The following RLN2 variants were observed in gnomAD, a reference collection of about 807,000 sequenced individuals.
The protein encoded by RLN2 is prorelaxin H2.
RLN2 carries 10 observed loss-of-function variants against 7.3 expected under a neutral mutation model. The ratio of observed to expected loss-of-function variants is 1.36; its 90% CI spans 0.84 to 2.31. The LOEUF is 2.31. Among genes scored for constraint, RLN2 ranks in the 30% most tolerant of loss-of-function variants. The pLI is 0.00. For missense variants in RLN2, 298 were observed against 217.6 expected, an observed-to-expected ratio of 1.37 and a Z score of -2.32; for synonymous variants, 103 against 82.3, an observed-to-expected ratio of 1.25 and a Z score of -1.36.
At chr9:5,307,113 G>C (rs1208606437), upstream of RLN2, among the ~76,000 whole-genome samples, 2 of 151,970 alleles carry the variant, frequency 1.3e-5, no homozygotes, top group Non-Finnish European at 2.9e-5. Flanking sequence ...GGGAGGGTGG[G>C]AATAGCCTGC....
the RLN2 span, among the ~76,000 whole-genome samples, chr9:5,318,943 GC>G: frequency 6.6e-6 from 1 of 151,908 alleles, no homozygotes; most frequent in Non-Finnish European, 1.5e-5. Context: ...ACAAATCTGT[GC>G]CCTCATGGAA....
At chr9:5,314,898 C>T in the RLN2 span, among the ~76,000 whole-genome samples, 1 of 151,064 alleles carries the variant, frequency 6.6e-6, no homozygotes, top group Non-Finnish European at 1.5e-5. Flanking sequence ...GGCTCCGTTT[C>T]CCAAATTGCA....
At chr9:5,301,927 GT>G (rs1563734436) in intron 1 of RLN2, among the ~76,000 whole-genome samples, 1 of 152,070 alleles carries the variant, frequency 6.6e-6, no homozygotes, top group Non-Finnish European at 1.5e-5. Context: ...AATTTATATC[GT>G]TTTTGGTTAA....
chr9:5,324,886 T>A, the RLN2 span, among the ~76,000 whole-genome samples: 1 of 152,020 alleles, frequency 6.6e-6, no homozygotes, highest in African/African-American at 2.4e-5. Flanking sequence ...ACATATTCAA[T>A]TGCACTGCTA....
At chr9:5,327,708 G>A in the RLN2 span, among the ~76,000 whole-genome samples, 2 of 151,986 alleles carry the variant, frequency 1.3e-5, no homozygotes, top group African/African-American at 4.8e-5. Context: ...AGCTTCCAGA[G>A]GAAAGATCAG....
the RLN2 span, among the ~76,000 whole-genome samples, chr9:5,318,894 G>C: frequency 1.5e-4 from 23 of 151,838 alleles, no homozygotes; most frequent in Non-Finnish European, 1.2e-4. Context: ...CCGTTTTAAA[G>C]ATTTTTAAGA....
the RLN2 span, among the ~76,000 whole-genome samples, chr9:5,319,263 GC>G: frequency 2.5e-3 from 385 of 152,076 alleles, 6 homozygotes; most frequent in African/African-American, 8.6e-3. Flanking sequence ...AATACAGGAA[GC>G]CTACATGACT....
At chr9:5,332,470 T>G in the RLN2 span, among the ~76,000 whole-genome samples, 1 of 151,944 alleles carries the variant, frequency 6.6e-6, no homozygotes, top group Non-Finnish European at 1.5e-5. Context: ...GAAATAAGGT[T>G]TATTTTGTTG....
the RLN2 span, chr9:5,335,071 T>C: frequency 4.0e-6 from 2 of 494,190 alleles, no homozygotes; most frequent in Admixed American, 7.5e-5. Context: ...GCATAGAAAG[T>C]GTCATTTACA....
chr9:5,327,337 G>T, the RLN2 span, among the ~76,000 whole-genome samples: 2 of 152,026 alleles, frequency 1.3e-5, no homozygotes, highest in African/African-American at 2.4e-5. Flanking sequence ...CAGCTTGATG[G>T]GGGGAGGGGC....
the RLN2 span, among the ~76,000 whole-genome samples, chr9:5,329,958 T>C: frequency 6.6e-6 from 1 of 152,008 alleles, no homozygotes; most frequent in African/African-American, 2.4e-5. Context: ...AGAATATACA[T>C]TCTTCTCAGC....
At chr9:5,313,097 T>G in the RLN2 span, among the ~76,000 whole-genome samples, 2 of 152,162 alleles carry the variant, frequency 1.3e-5, no homozygotes, top group South Asian at 2.1e-4. Flanking sequence ...TAGGTTCATT[T>G]GACCCAAAGT....
rs771614904 is a variant in RLN2 at position 5,304,354 on chromosome 9, G to T, written c.211+16C>A. ...TGGGAAGCGCGGGAAGGCCGGGAGGGGGCGGGAGCTCTCACCTGCCACTGG... is the reference window on the plus strand; with the variant it reads ...TGGGAAGCGCGGGAAGGCCGGGAGGTGGCGGGAGCTCTCACCTGCCACTGG... On this transcript the variant is annotated intron_variant, in intron 1 of 1. Coordinates refer to ENST00000381627, the MANE Select transcript of RLN2 (RefSeq NM_134441.3). 1 of 1,548,236 alleles carries T rather than the reference G, an allele frequency of 6.5e-7. No homozygotes were observed.
the RLN2 span, among the ~76,000 whole-genome samples, chr9:5,323,969 A>G: frequency 6.6e-6 from 1 of 151,782 alleles, no homozygotes; most frequent in Admixed American, 6.6e-5. Context: ...AATCACTTGA[A>G]CCCAAAGGCA....
In RLN2 at chr9:5,304,583, TG is replaced by T. The variant is rs1201402539; in HGVS notation, c.-4del. On this transcript the variant is annotated 5_prime_UTR_variant, in exon 1 of 2. Coordinates refer to ENST00000381627, the MANE Select transcript of RLN2 (RefSeq NM_134441.3). The stretch of plus-strand genomic sequence containing the variant: ...TGGAAAAAAAACAGGCGAGGCATCC[TG>T]GGCCTGGTCTCTCCTGGAGGTCGGG... The T allele has an allele frequency of 1.9e-6, 3 of 1,613,448 alleles. No individual in the cohort carries two copies. Among genetic ancestry groups the T allele is most frequent in the African/African-American group, 1.3e-5 (1 of 74,810 alleles).
rs1022091478 is a variant in RLN2, at chr9:5,300,415, T to C, written c.241A>G (p.Thr81Ala). The change falls in exon 2 of 2, where the codon ACA becomes GCA. Residue 81 changes from threonine to alanine, a missense_variant. By Grantham distance (58) the Thr-to-Ala change is moderately conservative. Transcript: ENST00000381627. ...EIVPSFINKD[T>A]ETINMMSEFV... is the part of the protein sequence containing the mutation. ...TCTGACATCATATTTATGGTTTCTG[T>C]ATCTTTGTTGATGAAGGATGGCACA... is the stretch of plus-strand genomic sequence containing the variant. 1 of 1,608,674 alleles carries C rather than the reference T, an allele frequency of 6.2e-7. No individual in the cohort carries two copies. Among genetic ancestry groups the C allele is most frequent in the Non-Finnish European group, 8.5e-7 (1 of 1,177,952 alleles).
chr9:5,306,579 A>T (rs1316281995), upstream of RLN2, among the ~76,000 whole-genome samples: 2 of 152,070 alleles, frequency 1.3e-5, no homozygotes, highest in African/African-American at 4.8e-5. Flanking sequence ...TGCAAGATTC[A>T]CAGTCTTTAC....
the RLN2 span, among the ~76,000 whole-genome samples, chr9:5,320,521 C>T: frequency 7.9e-5 from 12 of 151,484 alleles, no homozygotes; most frequent in East Asian, 2.3e-3. Context: ...CAGGTGTGTA[C>T]CACCACACGC....
the RLN2 span, among the ~76,000 whole-genome samples, chr9:5,310,836 G>C: frequency 1.3e-5 from 2 of 151,944 alleles, no homozygotes; most frequent in Non-Finnish European, 2.9e-5. Context: ...ATATATATAA[G>C]CATACATAAT....
Sources: gnomAD v4.1 joint callset for allele counts (sites outside exome capture counted in the v4.1 genomes callset) on GRCh38, gnomAD v4.1.1 for gene constraint, MANE v1.5 for transcripts, NCBI Gene and HGNC (gene_info 2026-07-23, HGNC 2026-07-21) for gene names.